The following DLGAP2 variants were observed in gnomAD, a reference collection of about 807,000 sequenced individuals.
The protein encoded by DLGAP2 is DLG associated protein 2.
DLGAP2 carries 26 observed loss-of-function variants against 100.3 expected under a neutral mutation model. The ratio of observed to expected loss-of-function variants is 0.26; its 90% confidence interval spans 0.19 to 0.36. The LOEUF is 0.36. DLGAP2 is among the 10% of genes least tolerant of loss of function. DLGAP2 has a pLI of 1.00. For synonymous variants in DLGAP2, 886 were observed against 630.1 expected, an observed-to-expected ratio of 1.41 and a Z score of -6.08; for missense variants, 1,858 against 1,453.2, an observed-to-expected ratio of 1.28 and a Z score of -4.53.
At chr8:842,337 G>A (rs993941114) in intron 1 of DLGAP2, among the ~76,000 whole-genome samples, 1 of 152,180 alleles carries the variant, frequency 6.6e-6, no homozygotes, top group Non-Finnish European at 1.5e-5. Context: ...CGTATGCAAT[G>A]ATTGGCTTAT....
chr8:1,476,708 C>T (rs1213845278), intron 3 of DLGAP2, among the ~76,000 whole-genome samples: 1 of 151,738 alleles, frequency 6.6e-6, no homozygotes, highest in Non-Finnish European at 1.5e-5. Flanking sequence ...CCCTTGATGG[C>T]TGAGTGCTGT....
Position 1,287,803 on chromosome 8 carries a change from C to A in DLGAP2, c.106+28920C>A, listed in dbSNP as rs1241815856. On this transcript the variant is annotated intron_variant, in intron 3 of 14. Coordinates refer to ENST00000637795, the MANE Select transcript of DLGAP2 (RefSeq NM_001346810.2). ...TGTCTGTGTGTATGTGTGTGTGGTT[C>A]TGTTAGGACGGGAACTAGTTTTGGT... 2.5e-5 allele frequency among the ~76,000 whole-genome samples: 2 copies of A among 79,918 alleles called. 1 individual carries two copies. The highest frequency in any genetic ancestry group is 8.9e-4 in the South Asian group (2 of 2,236). The allele number at this position is 79,918 out of a possible 152,430, so 52.4% of individuals were successfully genotyped here.
chr8:768,894 G>C (rs1201234604), intron 1 of DLGAP2, among the ~76,000 whole-genome samples: 1 of 152,192 alleles, frequency 6.6e-6, no homozygotes, highest in East Asian at 1.9e-4. Context: ...AACGCAGTCT[G>C]TGTGGGGCTG....
chr8:1,435,698 G>A (rs763022806), intron 3 of DLGAP2, among the ~76,000 whole-genome samples: 19 of 151,752 alleles, frequency 1.3e-4, no homozygotes, highest in Non-Finnish European at 2.2e-4. Flanking sequence ...GGAGGTGTCC[G>A]GAAGAAGGCA....
chr8:1,372,280 C>A lies in DLGAP2; in HGVS notation c.106+113397C>A, dbSNP rs576358840. 2.2e-4 allele frequency among the ~76,000 whole-genome samples: 34 copies of A among 152,268 alleles called. No homozygotes were observed. In the South Asian group the frequency reaches 7.1e-3, roughly 32 times the overall value. On this transcript the variant is annotated intron_variant, in intron 3 of 14. Transcript: ENST00000637795. ...TCACCGTGCTGCCAACGCTGGGACG[C>A]TGGTCACCGTGCTGCCAACGCTGGG...
In DLGAP2 at chr8:1,153,810, G is replaced by T. The variant is rs565682408; in HGVS notation, c.74-105041G>T. On this transcript the variant is annotated intron_variant, in intron 2 of 14. Transcript: ENST00000637795. ...GTAATGTTTTGCAGATCTCATTTCA[G>T]TGGTAAAATTTCACCACCTAAGGTC... Among the ~76,000 whole-genome samples, 3 of 152,260 alleles carry T rather than the reference G, an allele frequency of 2.0e-5. No homozygotes were observed. The South Asian group carries it at 6.2e-4, about 32-fold the overall frequency.
intron 8 of DLGAP2, among the ~76,000 whole-genome samples, chr8:1,636,410 T>C (rs575811289): frequency 2.7e-4 from 41 of 152,354 alleles, no homozygotes; most frequent in African/African-American, 9.4e-4. Context: ...GGGTACATAG[T>C]AATTCCATTT....
chr8:1,270,528 CAG>C (rs748474047), intron 3 of DLGAP2, among the ~76,000 whole-genome samples: 2 of 152,178 alleles, frequency 1.3e-5, no homozygotes, highest in African/African-American at 2.4e-5. Flanking sequence ...GCCCAGCGGA[CAG>C]AGTCAGGCCA....
intron 8 of DLGAP2, among the ~76,000 whole-genome samples, chr8:1,650,093 C>CT (rs549718778): frequency 2.2e-4 from 34 of 152,302 alleles, no homozygotes; most frequent in Non-Finnish European, 4.1e-4. Flanking sequence ...CTCCTACTCT[C>CT]TTTCTGTAAT....
At chr8:1,319,834 G>A (rs543453523) in intron 3 of DLGAP2, among the ~76,000 whole-genome samples, 9 of 152,206 alleles carry the variant, frequency 5.9e-5, no homozygotes, top group Non-Finnish European at 1.2e-4. Context: ...ACAATGGCAA[G>A]GTCAGGTTGC....
chr8:1,485,742 A>T (rs942545086), intron 3 of DLGAP2, among the ~76,000 whole-genome samples: 2 of 152,198 alleles, frequency 1.3e-5, no homozygotes, highest in African/African-American at 4.8e-5. Context: ...GTCAGTCATC[A>T]GGCTGAGCAT....
chr8:1,102,200 C>T (rs1174602792), intron 2 of DLGAP2, among the ~76,000 whole-genome samples: 2 of 147,758 alleles, frequency 1.4e-5, no homozygotes, highest in Admixed American at 6.8e-5. Context: ...TATTGAATTA[C>T]ATATTGAATA....
intron 2 of DLGAP2, among the ~76,000 whole-genome samples, chr8:1,046,871 G>A (rs1472133605): frequency 6.6e-6 from 1 of 151,958 alleles, no homozygotes; most frequent in African/African-American, 2.4e-5. Flanking sequence ...CTGGGGTCAA[G>A]GCCTCACCCA....
In DLGAP2 at chr8:795,726, G is replaced by A. The variant is rs77922136; in HGVS notation, c.18+57901G>A. 9.7e-3 allele frequency among the ~76,000 whole-genome samples: 856 copies of A among 88,606 alleles called. 15 individuals are homozygous for A. Among genetic ancestry groups the A allele is most frequent in the East Asian group, 0.02 (49 of 2,478 alleles). The allele number at this position is 88,606 out of a possible 152,430, so 58.1% of individuals were successfully genotyped here. On this transcript the variant is annotated intron_variant, in intron 1 of 14. Coordinates refer to ENST00000637795, the MANE Select transcript of DLGAP2 (RefSeq NM_001346810.2). ...CGTCCAGTGAGAGCAGGCGTCCAGT[G>A]AGAGCAGGCGTCCAGTGAGAACAGG... is the stretch of plus-strand genomic sequence containing the variant.
At chr8:883,606 C>T (rs889759309) in intron 1 of DLGAP2, among the ~76,000 whole-genome samples, 5 of 151,300 alleles carry the variant, frequency 3.3e-5, no homozygotes, top group African/African-American at 7.3e-5. Context: ...CATAGGAACG[C>T]GTGTGCCGCG....
chr8:1,480,924 G>A (rs1045794315), intron 3 of DLGAP2, among the ~76,000 whole-genome samples: 1 of 151,904 alleles, frequency 6.6e-6, no homozygotes, highest in South Asian at 2.1e-4. Context: ...TGTAATCCCA[G>A]CACTTTGGGA....
chr8:875,785 A>G (rs551105131), intron 1 of DLGAP2, among the ~76,000 whole-genome samples: 8 of 152,076 alleles, frequency 5.3e-5, no homozygotes, highest in South Asian at 2.1e-4. Context: ...TTTTTTCACT[A>G]TATTTTTGAG....
chr8:995,915 A>T (rs1242911379), intron 2 of DLGAP2, among the ~76,000 whole-genome samples: 1 of 152,118 alleles, frequency 6.6e-6, no homozygotes, highest in African/African-American at 2.4e-5. Context: ...TAAAGAAAAG[A>T]TGGGATTTTT....
At chr8:1,207,485 G>T (rs1798020886) in intron 2 of DLGAP2, among the ~76,000 whole-genome samples, 1 of 152,182 alleles carries the variant, frequency 6.6e-6, no homozygotes, top group Non-Finnish European at 1.5e-5. Context: ...TTAGTTGATA[G>T]GCATTTGGGC....
Sources: gnomAD v4.1 joint callset for allele counts (sites outside exome capture counted in the v4.1 genomes callset) on GRCh38, gnomAD v4.1.1 for gene constraint, MANE v1.5 for transcripts, NCBI Gene and HGNC (gene_info 2026-07-23, HGNC 2026-07-21) for gene names.